TAP2: variants seen among roughly 807,000 people sequenced by gnomAD.
TAP2 encodes the protein antigen peptide transporter 2.
In TAP2, 49 loss-of-function variants were observed where a neutral mutation model predicts 74.7. The observed-to-expected ratio is 0.66, with a 90% CI of 0.52 to 0.83. The LOEUF is 0.83. Among genes scored for constraint, TAP2 ranks in the 40% least tolerant of loss-of-function variants. The probability of loss-of-function intolerance (pLI) is 0.00; values close to 1 mark genes in which losing one functional copy is unlikely to be tolerated. For missense variants in TAP2, 739 were observed against 859.0 expected (o/e 0.86, Z 1.75); for synonymous variants, 306 against 368.4 (o/e 0.83, Z 1.94).
Position 32,830,705 on chromosome 6 carries a change from C to G in TAP2, c.1374G>C (p.Thr458=), listed in dbSNP as rs149495208. The change falls in exon 8 of 12, where the codon ACG becomes ACC. Residue 458 remains threonine (T), a synonymous_variant. Coordinates refer to ENST00000374897, the MANE Select transcript of TAP2 (RefSeq NM_001290043.2). The part of the protein sequence containing the change: ...DRQPNLPSPG[T]LAPTTLQGVV... ...CCCCCTGCAGAGTGGTGGGGGCAAG[C>G]GTGCCAGGTGAAGGCAGATTTGGCT... 15 of 1,612,944 alleles carry G rather than the reference C, an allele frequency of 9.3e-6. No individual in the cohort carries two copies. The highest frequency in any genetic ancestry group is 1.3e-5 in the Non-Finnish European group (15 of 1,180,038).
chr6:32,829,633 C>T (rs761239282), intron 10 of TAP2, 97 bp from the exon 11 acceptor site: 17 of 1,579,264 alleles, frequency 1.1e-5, no homozygotes, highest in Middle Eastern at 1.7e-4. Flanking sequence ...AGTAGGACCT[C>T]GGGAGGTGGG....
chr6:32,830,679 A>T lies in TAP2; in HGVS notation c.1400T>A (p.Val467Asp), dbSNP rs1317143573. ...GTLAPTTLQGVVKFQDVSFAY... is the reference protein window; with the variant it reads ...GTLAPTTLQGDVKFQDVSFAY... ...AAAGGAGACGTCTTGGAATTTCACA[A>T]CCCCCTGCAGAGTGGTGGGGGCAAG... The change falls in exon 8 of 12, where the codon GTT becomes GAT. Residue 467 changes from valine to aspartate, a missense_variant. Val to Asp is a radical substitution (Grantham distance 152, BLOSUM62 -3). Transcript: ENST00000374897. 1 of 1,612,646 alleles carries T rather than the reference A, an allele frequency of 6.2e-7. No individual in the cohort carries two copies. The highest frequency in any genetic ancestry group is 8.5e-7 in the Non-Finnish European group (1 of 1,179,936).
rs1371956186 is a variant in TAP2, at chr6:32,827,506, GCA to G, written c.*1398_*1399del. 2.9e-6 allele frequency: 1 copy of G among 340,346 alleles called. No homozygotes were observed. The highest frequency in any genetic ancestry group is 4.2e-6 in the Non-Finnish European group (1 of 240,888). 21.1% of individuals were successfully genotyped at this position (340,346 alleles called of 1,614,324 possible). On this transcript the variant is annotated 3_prime_UTR_variant, in exon 12 of 12. Coordinates refer to ENST00000374897, the MANE Select transcript of TAP2 (RefSeq NM_001290043.2). Reference sequence around the variant, plus strand: ...TAAAAGGGCTGTGAAAGAGGTAACCGCACAGTGATAGAAGCACATGGAGAGTT... The same window carrying G: ...TAAAAGGGCTGTGAAAGAGGTAACCGCAGTGATAGAAGCACATGGAGAGTT...
rs562888335 is a variant in TAP2 at position 32,833,725 on chromosome 6, T to G, written c.946-901A>C. 2.6e-5 allele frequency among the ~76,000 whole-genome samples: 4 copies of G among 152,290 alleles called. No individual in the cohort carries two copies. The East Asian group carries it at 7.7e-4, about 29-fold the overall frequency. The stretch of plus-strand genomic sequence containing the variant: ...ATGGTGCTGCCGCTATGGAAAACTG[T>G]ATGGTGGTTTGATACGATCTGGCTG... On this transcript the variant is annotated intron_variant, in intron 5 of 11. Coordinates refer to ENST00000374897, the MANE Select transcript of TAP2 (RefSeq NM_001290043.2).
chr6:32,837,763 G>C lies in TAP2; in HGVS notation c.471C>G (p.Phe157Leu), dbSNP rs765646791. The C allele has an allele frequency of 6.2e-7, 1 of 1,614,202 alleles. No individual in the cohort carries two copies. Among genetic ancestry groups the C allele is most frequent in the South Asian group, 1.1e-5 (1 of 91,080 alleles). Reference sequence around the variant, plus strand: ...CACCCAAAACAGCAAGGACAAGGAAGAAGAAGGCGGCAACGAGGAGAGGCA... The same window carrying C: ...CACCCAAAACAGCAAGGACAAGGAACAAGAAGGCGGCAACGAGGAGAGGCA... ...PDLPLLVAAF[F>L]FLVLAVLGET... Residue 157 changes from phenylalanine to leucine, a missense_variant, in exon 2 of 12, where the codon TTC becomes TTG. Transcript: ENST00000374897.
rs1050155796 is a variant in TAP2, at chr6:32,832,987, C to T, written c.946-163G>A. ...TCCAGAAGGAATAAGAGTGAAGGAGCAAGGGAACAAAATATTATTGAGCTC... is the reference window on the plus strand; with the variant it reads ...TCCAGAAGGAATAAGAGTGAAGGAGTAAGGGAACAAAATATTATTGAGCTC... On this transcript the variant is annotated intron_variant, in intron 5 of 11. Transcript: ENST00000374897. This position sits in a 1 kb window ranked among gnomAD's most constrained non-coding sequence, Gnocchi z 5.9. 4.6e-5 allele frequency among the ~76,000 whole-genome samples: 7 copies of T among 152,212 alleles called. No homozygotes were observed. The highest frequency in any genetic ancestry group is 1.0e-4 in the Non-Finnish European group (7 of 68,044).
chr6:32,827,385 A>T lies in TAP2; in HGVS notation c.*1521T>A. ...CTATGAATTAGGCCCTCGGCCAGGTAGCAGATATAAAGCTTAATAAGATAT... is the reference window on the plus strand; with the variant it reads ...CTATGAATTAGGCCCTCGGCCAGGTTGCAGATATAAAGCTTAATAAGATAT... On this transcript the variant is annotated 3_prime_UTR_variant, in exon 12 of 12. Transcript: ENST00000374897. 1 of 962,992 alleles carries T rather than the reference A, an allele frequency of 1.0e-6. No homozygotes were observed. The highest frequency in any genetic ancestry group is 1.2e-6 in the Non-Finnish European group (1 of 809,640). 59.7% of individuals were successfully genotyped at this position (962,992 alleles called of 1,614,324 possible). A position where few individuals can be genotyped will look rare whatever the true frequency, so the allele number is the denominator to read the frequency against.
chr6:32,832,407 G>C lies in TAP2; in HGVS notation c.1198C>G (p.Gln400Glu). 6.2e-7 allele frequency: 1 copy of C among 1,612,902 alleles called. No homozygotes were observed. The highest frequency in any genetic ancestry group is 1.1e-5 in the South Asian group (1 of 91,040). ...LMLSCGLQQM[Q>E]DGELTQGSLL... ...CTGCCCTGGGTGAGCTCCCCATCCT[G>C]CATCTGCTGCAGCCCACAGCTCAGC... Residue 400 changes from glutamine (Q) to glutamate (E), a missense_variant, in exon 7 of 12, where the codon CAG (glutamine) becomes GAG (glutamate). Coordinates refer to ENST00000374897, the MANE Select transcript of TAP2 (RefSeq NM_001290043.2). The surrounding 1 kb of genome is among the most constrained non-coding windows in gnomAD (Gnocchi z 5.9).
At position 32,828,926 on chromosome 6, in the gene TAP2, G is replaced by A. The variant is rs1275520007; in HGVS notation, c.2041C>T (p.Gln681Ter). 1 of 1,545,912 alleles carries A rather than the reference G, an allele frequency of 6.5e-7. No individual in the cohort carries two copies. The highest frequency in any genetic ancestry group is 8.7e-7 in the Non-Finnish European group (1 of 1,145,256). Reference sequence around the variant, plus strand: ...CCCTCCTAGAGCTGGGCAAGCTTCTGCAGCTTGCCCTCCTGGAGCACCAGG... The same window carrying A: ...CCCTCCTAGAGCTGGGCAAGCTTCTACAGCTTGCCCTCCTGGAGCACCAGG... ...QILVLQEGKL[Q>*]KLAQL The change falls in exon 12 of 12, where the codon CAG (glutamine) becomes TAG (stop). Residue 681 changes from glutamine (Q) to a stop codon, truncating the protein, a stop_gained. Transcript: ENST00000374897. LOFTEE classifies it high-confidence loss of function.
In TAP2 at chr6:32,832,914, C is replaced by G. The variant is rs763010130; in HGVS notation, c.946-90G>C. On this transcript the variant is annotated intron_variant, in intron 5 of 11. Transcript: ENST00000374897. This position sits in a 1 kb window ranked among gnomAD's most constrained non-coding sequence, Gnocchi z 5.9. ...TCCAGCCAGTGAGATGCTCCCTAGTCTACCTAAAAATACCAAACTGTTTCT... is the reference window on the plus strand; with the variant it reads ...TCCAGCCAGTGAGATGCTCCCTAGTGTACCTAAAAATACCAAACTGTTTCT... The G allele has an allele frequency of 1.4e-6, 2 of 1,427,356 alleles. No homozygotes were observed. Among genetic ancestry groups the G allele is most frequent in the Non-Finnish European group, 1.9e-6 (2 of 1,029,396 alleles). 88.4% of individuals were successfully genotyped at this position (1,427,356 alleles called of 1,614,324 possible). A position where few individuals can be genotyped will look rare whatever the true frequency, so the allele number is the denominator to read the frequency against.
At position 32,832,723 on chromosome 6, in the gene TAP2, C is replaced by T; in HGVS notation, c.1047G>A (p.Glu349=). 1 of 1,613,098 alleles carries T rather than the reference C, an allele frequency of 6.2e-7. No individual in the cohort carries two copies. The highest frequency in any genetic ancestry group is 2.2e-5 in the East Asian group (1 of 44,886). ...LQTVRSFGAE[E]HEVCRYKEAL... is the part of the protein sequence containing the mutation. ...CCTCTTTATAGCGACAGACTTCATG[C>T]TCCTCGGCCCCAAAACTGCGAACGG... Residue 349 remains glutamate (E), a synonymous_variant, in exon 6 of 12, where the codon GAG becomes GAA. Coordinates refer to ENST00000374897, the MANE Select transcript of TAP2 (RefSeq NM_001290043.2). The surrounding 1 kb of genome is among the most constrained non-coding windows in gnomAD (Gnocchi z 5.9).
rs755209680 is a variant in TAP2, at chr6:32,838,183, C to T, written c.51G>A (p.Ala17=). ...RPWTSLLLVD[A]ALLWLLQGPL... ...GGCCCTGAAGCAGCCACAGTAAAGC[C>T]GCGTCCACCAGCAGCAGGGAGGTCC... The change falls in exon 2 of 12, where the codon GCG becomes GCA. Residue 17 remains alanine, a synonymous_variant. Transcript: ENST00000374897. 2 of 1,593,936 alleles carry T rather than the reference C, an allele frequency of 1.3e-6. No homozygotes were observed. The highest frequency in any genetic ancestry group is 2.2e-5 in the South Asian group (2 of 89,112).
In TAP2 at chr6:32,835,625, C is replaced by G. The variant is rs1289307065; in HGVS notation, c.739+18G>C. On this transcript the variant is annotated intron_variant, in intron 4 of 11. Coordinates refer to ENST00000374897, the MANE Select transcript of TAP2 (RefSeq NM_001290043.2). The surrounding 1 kb of genome is among the most constrained non-coding windows in gnomAD (Gnocchi z 4.0). ...AGGGATGTCCATGGGAATCTCAGAC[C>G]TGGACTCCAGGCCCCACCTGTCTTA... is the stretch of plus-strand genomic sequence containing the variant. 3 of 1,613,030 alleles carry G rather than the reference C, an allele frequency of 1.9e-6. No homozygotes were observed. Among genetic ancestry groups the G allele is most frequent in the Non-Finnish European group, 2.5e-6 (3 of 1,180,022 alleles).
At position 32,838,148 on chromosome 6, in the gene TAP2, G is replaced by A. The variant is rs1769561133; in HGVS notation, c.86C>T (p.Thr29Ile). 6.2e-7 allele frequency: 1 copy of A among 1,605,000 alleles called. No homozygotes were observed. The highest frequency in any genetic ancestry group is 8.5e-7 in the Non-Finnish European group (1 of 1,175,198). The change falls in exon 2 of 12, where the codon ACT becomes ATT. Residue 29 changes from threonine (T) to isoleucine (I), a missense_variant. Transcript: ENST00000374897. ...TCCTGGCAGCCCTTGAGGAAGCAAA[G>A]TCCCCAGAGGGCCCTGAAGCAGCCA... ...LLWLLQGPLG[T>I]LLPQGLPGLW...
intron 3 of TAP2, among the ~76,000 whole-genome samples, chr6:32,836,737 G>T (rs1274927892): frequency 2.0e-5 from 3 of 152,188 alleles, no homozygotes; most frequent in Non-Finnish European, 2.9e-5. Flanking sequence ...TAATCTTGTG[G>T]GTCCACCATC....
In TAP2 at chr6:32,826,605, T is replaced by C; in HGVS notation, c.*2301A>G. The C allele has an allele frequency of 1.0e-6, 1 of 985,450 alleles. No individual in the cohort carries two copies. Among genetic ancestry groups the C allele is most frequent in the South Asian group, 4.7e-5 (1 of 21,288 alleles). The allele number at this position is 985,450 out of a possible 1,614,324, so 61.0% of individuals were successfully genotyped here. On this transcript the variant is annotated 3_prime_UTR_variant, in exon 12 of 12. Coordinates refer to ENST00000374897, the MANE Select transcript of TAP2 (RefSeq NM_001290043.2). ...CTGTGTCCCTGACATAAAGCCTACC[T>C]GGGAGTTTCCCCTGAGATAAGAAAC...
Position 32,828,873 on chromosome 6 carries a change from C to T in TAP2, c.*33G>A. On this transcript the variant is annotated 3_prime_UTR_variant, in exon 12 of 12. Coordinates refer to ENST00000374897, the MANE Select transcript of TAP2 (RefSeq NM_001290043.2). ...TGGGGCCTCAGTCCATCAGCCGCTG[C>T]TGCACCAGGCGGGAATAGAGGTCCT... is the stretch of plus-strand genomic sequence containing the variant. 6.6e-7 allele frequency: 1 copy of T among 1,525,052 alleles called. No individual in the cohort carries two copies. The highest frequency in any genetic ancestry group is 8.9e-7 in the Non-Finnish European group (1 of 1,129,610). The allele number at this position is 1,525,052 out of a possible 1,614,324, so 94.5% of individuals were successfully genotyped here.
rs1301355362 is a variant in TAP2 at position 32,830,784 on chromosome 6, T to C, written c.1295A>G (p.Asp432Gly). Residue 432 changes from aspartate (D) to glycine (G), a missense_variant, in exon 8 of 12, where the codon GAT becomes GGT. Transcript: ENST00000374897. ...YVQTLVYIYG[D>G]MLSNVGAAEK... ...TGCAGCTCCCACGTTGCTGAGCATA[T>C]CCCCATATATGTATACCAGGGTCTG... The C allele has an allele frequency of 9.3e-6, 15 of 1,611,844 alleles. No homozygotes were observed. The highest frequency in any genetic ancestry group is 1.1e-5 in the Non-Finnish European group (13 of 1,179,580).
Position 32,835,388 on chromosome 6 carries a change from AG to A in TAP2, c.740-30del. 1 of 1,611,904 alleles carries A rather than the reference AG, an allele frequency of 6.2e-7. No individual in the cohort carries two copies. Among genetic ancestry groups the A allele is most frequent in the South Asian group, 1.1e-5 (1 of 91,024 alleles). ...AGAAGGACAGAGCAGGTGAGGAAAAAGGAAACCATGTGTACTGCAGGGCCCC... is the reference window on the plus strand; with the variant it reads ...AGAAGGACAGAGCAGGTGAGGAAAAAGAAACCATGTGTACTGCAGGGCCCC... On this transcript the variant is annotated intron_variant, in intron 4 of 11. Coordinates refer to ENST00000374897, the MANE Select transcript of TAP2 (RefSeq NM_001290043.2). The surrounding 1 kb of genome is among the most constrained non-coding windows in gnomAD (Gnocchi z 4.0).
Sources: allele counts gnomAD v4.1 joint callset (sites outside exome capture counted in the v4.1 genomes callset), GRCh38; gene constraint gnomAD v4.1.1; non-coding constraint Gnocchi (gnomAD v3.1); transcripts MANE v1.5; gene names NCBI Gene and HGNC (gene_info 2026-07-23, HGNC 2026-07-21).